XYLT1: variants seen among roughly 807,000 people sequenced by gnomAD.
The protein encoded by XYLT1 is beta-D-xylosyltransferase 1.
XYLT1 carries 36 observed loss-of-function variants against 91.3 expected under a neutral mutation model. The observed-to-expected ratio is 0.39, with a 90% confidence interval of 0.30 to 0.52. The LOEUF (loss-of-function observed/expected upper bound fraction) is 0.52. Ranked by LOEUF, XYLT1 falls within the 20% of genes least tolerant of loss-of-function variation. The pLI is 0.68. For synonymous variants in XYLT1, 588 were observed against 532.0 expected, an observed-to-expected ratio of 1.11 and a Z score of -1.45; for missense variants, 1,242 against 1,284.5, an observed-to-expected ratio of 0.97 and a Z score of 0.51.
At chr16:17,313,338 G>T (rs2141823367) in intron 2 of XYLT1, among the ~76,000 whole-genome samples, 1 of 152,288 alleles carries the variant, frequency 6.6e-6, no homozygotes, top group South Asian at 2.1e-4. Flanking sequence ...GAGAGAAGGG[G>T]ACAGACAGGA....
intron 2 of XYLT1, among the ~76,000 whole-genome samples, chr16:17,317,441 T>G (rs1344779728): frequency 6.6e-6 from 1 of 151,642 alleles, no homozygotes; most frequent in Admixed American, 6.6e-5. Flanking sequence ...AAGACCAGCC[T>G]GGGTAACAGA....
chr16:17,252,919 G>A (rs954664151), intron 3 of XYLT1, among the ~76,000 whole-genome samples: 1 of 152,132 alleles, frequency 6.6e-6, no homozygotes, highest in East Asian at 1.9e-4. Flanking sequence ...GAAACACAGG[G>A]CATCCATCTG....
At chr16:17,216,871 G>A (rs1056169003) in intron 3 of XYLT1, among the ~76,000 whole-genome samples, 5 of 152,136 alleles carry the variant, frequency 3.3e-5, no homozygotes, top group African/African-American at 7.2e-5. Flanking sequence ...GGTCCTCTTC[G>A]TCAAGCCTAC....
intron 1 of XYLT1, among the ~76,000 whole-genome samples, chr16:17,421,093 TA>T (rs1352978182): frequency 6.6e-6 from 1 of 152,216 alleles, no homozygotes; most frequent in East Asian, 1.9e-4. Flanking sequence ...TTGTTTACCT[TA>T]TTAGAGTAAC....
chr16:17,130,944 G>C (rs997196058), intron 9 of XYLT1, among the ~76,000 whole-genome samples: 3 of 151,966 alleles, frequency 2.0e-5, no homozygotes. Flanking sequence ...CCTCTGACTT[G>C]TCACTCTCAC....
rs2030313915 is a variant in XYLT1, at chr16:17,127,782, G to C, written c.2107C>G (p.His703Asp). The C allele has an allele frequency of 1.2e-6, 2 of 1,614,162 alleles. No homozygotes were observed. The highest frequency in any genetic ancestry group is 1.7e-6 in the Non-Finnish European group (2 of 1,180,026). Residue 703 changes from histidine to aspartate, a missense_variant, in exon 10 of 12, where the codon CAT becomes GAT. Transcript: ENST00000261381. ...DRFQGFLIKH[H>D]ATNLAVSKLE... is the part of the protein sequence containing the mutation. ...TTGCTCACAGCCAGATTGGTAGCAT[G>C]ATGCTTGATCAGAAAGCCCTGGAAG...
intron 3 of XYLT1, among the ~76,000 whole-genome samples, chr16:17,247,279 A>G (rs1201015156): frequency 1.3e-5 from 2 of 151,164 alleles, no homozygotes; most frequent in African/African-American, 2.4e-5. Context: ...TGCCCAAGGG[A>G]GCAAGCCTCT....
intron 5 of XYLT1, among the ~76,000 whole-genome samples, chr16:17,171,244 G>A (rs1255240948): frequency 6.6e-6 from 1 of 152,160 alleles, no homozygotes; most frequent in Non-Finnish European, 1.5e-5. Context: ...GATACAGCAA[G>A]GATCTCTAAC....
chr16:17,233,519 G>A (rs900744846), intron 3 of XYLT1, among the ~76,000 whole-genome samples: 6 of 152,222 alleles, frequency 3.9e-5, no homozygotes, highest in South Asian at 2.1e-4. Flanking sequence ...CTGCAGACGC[G>A]CCCTGCTTCA....
rs549363653 is a variant in XYLT1, at chr16:17,464,843, A to G, written c.363+5591T>C. ...TAGGAATCTGCAACAAGAAGTGAGAAAAGTAGAATAAAGATTTTTGGGGCT... is the reference window on the plus strand; with the variant it reads ...TAGGAATCTGCAACAAGAAGTGAGAGAAGTAGAATAAAGATTTTTGGGGCT... On this transcript the variant is annotated intron_variant, in intron 1 of 11. Transcript: ENST00000261381. Among the ~76,000 whole-genome samples the G allele has an allele frequency of 7.9e-5, 12 of 152,160 alleles. No homozygotes were observed. The East Asian group carries it at 1.6e-3, about 20-fold the overall frequency.
chr16:17,309,333 C>T (rs946559150), intron 2 of XYLT1, among the ~76,000 whole-genome samples: 2 of 152,124 alleles, frequency 1.3e-5, no homozygotes, highest in African/African-American at 4.8e-5. Context: ...CCTAATTACC[C>T]CCAGTTGAGA....
At chr16:17,461,002 CAAG>C (rs2036812457) in intron 1 of XYLT1, among the ~76,000 whole-genome samples, 1 of 152,136 alleles carries the variant, frequency 6.6e-6, no homozygotes, top group South Asian at 2.1e-4. Flanking sequence ...GTGCTTCAGA[CAAG>C]GAGACTGAGC....
chr16:17,181,935 C>G (rs2032079825), intron 5 of XYLT1, among the ~76,000 whole-genome samples: 1 of 152,042 alleles, frequency 6.6e-6, no homozygotes, highest in African/African-American at 2.4e-5. Flanking sequence ...GCATCCTGGT[C>G]CCAATGTTTT....
chr16:17,132,594 A>ACATGGC (rs2030528369), intron 9 of XYLT1, among the ~76,000 whole-genome samples: 1 of 142,218 alleles, frequency 7.0e-6, no homozygotes, highest in African/African-American at 3.1e-5. Context: ...GTTAGTACAT[A>ACATGGC]AAATGCTGTT....
At chr16:17,299,207 C>T (rs777427697) in intron 2 of XYLT1, among the ~76,000 whole-genome samples, 6 of 152,074 alleles carry the variant, frequency 3.9e-5, no homozygotes, top group Non-Finnish European at 8.8e-5. Context: ...TTAAGGCAGA[C>T]GGGAAATGCA....
At chr16:17,369,933 G>A (rs7191514) in intron 1 of XYLT1, among the ~76,000 whole-genome samples, 39,423 of 152,062 alleles carry the variant, frequency 0.26, 5,684 homozygotes, top group Non-Finnish European at 0.34. Flanking sequence ...AGCCAAAAAC[G>A]TGCAAAGGGG....
At chr16:17,160,563 C>T (rs1422509362) in intron 5 of XYLT1, among the ~76,000 whole-genome samples, 1 of 152,186 alleles carries the variant, frequency 6.6e-6, no homozygotes, top group Non-Finnish European at 1.5e-5. Flanking sequence ...ACCAGCCATT[C>T]TAGCAGCGGC....
intron 1 of XYLT1, among the ~76,000 whole-genome samples, chr16:17,449,069 G>T (rs934339776): frequency 6.6e-6 from 1 of 152,198 alleles, no homozygotes; most frequent in Admixed American, 6.5e-5. Context: ...GGTGGAGAAG[G>T]AAGTGGCATA....
chr16:17,324,064 G>A (rs914922133), intron 2 of XYLT1, among the ~76,000 whole-genome samples: 10 of 152,162 alleles, frequency 6.6e-5, no homozygotes, highest in Non-Finnish European at 1.0e-4. Flanking sequence ...CACACTCTGA[G>A]ACCCCAGCTC....
Sources: allele counts gnomAD v4.1 joint callset (sites outside exome capture counted in the v4.1 genomes callset), GRCh38; gene constraint gnomAD v4.1.1; transcripts MANE v1.5; gene names NCBI Gene and HGNC (gene_info 2026-07-23, HGNC 2026-07-21).